GALNT16: variants seen among roughly 807,000 people sequenced by gnomAD.
GALNT16 encodes the protein UDP-GalNAc:polypeptide N-acetylgalactosaminyltransferase-like protein 1.
GALNT16 carries 40 observed loss-of-function variants against 76.1 expected under a neutral mutation model. The ratio of observed to expected loss-of-function variants is 0.53; its 90% CI spans 0.41 to 0.68. The LOEUF is 0.68. Ranked by LOEUF, GALNT16 falls within the 30% of genes least tolerant of loss-of-function variation. GALNT16 has a pLI of 0.00. For synonymous variants in GALNT16, 276 were observed against 285.2 expected (o/e 0.97, Z 0.32); for missense variants, 621 against 731.9 (o/e 0.85, Z 1.75).
At chr14:69,325,710 G>A (rs2045273159) in intron 4 of GALNT16, among the ~76,000 whole-genome samples, 1 of 152,202 alleles carries the variant, frequency 6.6e-6, no homozygotes, top group Non-Finnish European at 1.5e-5. Flanking sequence ...TGGGCTGGTA[G>A]CCACCCCCAA....
chr14:69,324,814 A>G lies in GALNT16; in HGVS notation c.434+24A>G, dbSNP rs188430806. On this transcript the variant is annotated intron_variant, in intron 3 of 14. Coordinates refer to ENST00000448469, the MANE Select transcript of GALNT16 (RefSeq NM_001168368.2). ...AGGTAAGTCCAGCCATGGGACTCTC[A>G]TCTCAGTGGTGCTGGCAGGGGAGGA... 1.1e-3 allele frequency: 1,586 copies of G among 1,466,426 alleles called. 17 individuals are homozygous for G. In the African/African-American group the frequency reaches 0.02, roughly 18 times the overall value. 90.8% of individuals were successfully genotyped at this position (1,466,426 alleles called of 1,614,324 possible). A position where few individuals can be genotyped will look rare whatever the true frequency, so the allele number is the denominator to read the frequency against.
At chr14:69,350,647 C>G (rs2045624137) in intron 14 of GALNT16, 1 of 152,452 alleles carries the variant, frequency 6.6e-6, no homozygotes, top group Admixed American at 6.5e-5. Context: ...TGTGCACATC[C>G]CCCCGCAGCC....
chr14:69,325,492 C>T (rs2045269473), intron 4 of GALNT16, 88 bp downstream of exon 4: 1 of 836,666 alleles, frequency 1.2e-6, no homozygotes, highest in Non-Finnish European at 2.1e-6. Flanking sequence ...CTGAGGTTGT[C>T]CTGACCATCG....
chr14:69,259,965 C>T, upstream of GALNT16: 1 of 209,810 alleles, frequency 4.8e-6, no homozygotes, highest in Non-Finnish European at 9.4e-6. Context: ...CCGCTTCCCA[C>T]TCGGCGCGCT....
chr14:69,293,738 A>G (rs1177992730), intron 1 of GALNT16, among the ~76,000 whole-genome samples: 1 of 152,184 alleles, frequency 6.6e-6, no homozygotes, highest in Non-Finnish European at 1.5e-5. Context: ...GCTTAAGCGC[A>G]TTAATATATG....
chr14:69,304,112 AT>A (rs1312719193), intron 1 of GALNT16, among the ~76,000 whole-genome samples: 1 of 152,164 alleles, frequency 6.6e-6, no homozygotes, highest in African/African-American at 2.4e-5. Context: ...ACACTTTAAA[AT>A]TGTACAAGTA....
the GALNT16 span, chr14:69,380,338 AAAAG>A: frequency 1.1e-4 from 47 of 421,906 alleles, no homozygotes; most frequent in East Asian, 1.1e-3. Context: ...TAAAAAAAAA[AAAAG>A]AAAGAGAAAG....
At chr14:69,269,753 G>C (rs2044383843) in intron 1 of GALNT16, among the ~76,000 whole-genome samples, 1 of 150,412 alleles carries the variant, frequency 6.6e-6, no homozygotes, top group Non-Finnish European at 1.5e-5. Context: ...TGGTGTGTGA[G>C]ATGTGGGGTT....
intron 1 of GALNT16, among the ~76,000 whole-genome samples, chr14:69,302,319 T>A (rs188957278): frequency 3.3e-5 from 5 of 152,180 alleles, no homozygotes; most frequent in Non-Finnish European, 7.4e-5. Context: ...AAATAATAAC[T>A]GTTTTTTTAA....
upstream of GALNT16, chr14:69,260,119 T>C: frequency 2.0e-6 from 1 of 491,910 alleles, no homozygotes; most frequent in Non-Finnish European, 3.7e-6. Flanking sequence ...CGCTCCGCGA[T>C]CCTGTCTCTC....
the GALNT16 span, among the ~76,000 whole-genome samples, chr14:69,365,879 A>C: frequency 6.6e-6 from 1 of 152,230 alleles, no homozygotes; most frequent in Non-Finnish European, 1.5e-5. Flanking sequence ...CAGGCGACAC[A>C]GCAGTAGACA....
intron 5 of GALNT16, among the ~76,000 whole-genome samples, chr14:69,327,591 T>G (rs748895783): frequency 1.3e-5 from 2 of 152,206 alleles, no homozygotes; most frequent in Non-Finnish European, 2.9e-5. Flanking sequence ...GATGGGCTTT[T>G]GGCTGGCTGG....
At chr14:69,292,032 A>G (rs1476041705) in intron 1 of GALNT16, among the ~76,000 whole-genome samples, 2 of 152,202 alleles carry the variant, frequency 1.3e-5, no homozygotes, top group Non-Finnish European at 2.9e-5. Context: ...CCTCAAGACA[A>G]GAATCTCTGG....
intron 12 of GALNT16, among the ~76,000 whole-genome samples, chr14:69,344,234 A>G (rs1236964285): frequency 6.6e-6 from 1 of 152,268 alleles, no homozygotes; most frequent in East Asian, 1.9e-4. Flanking sequence ...GGCCTCAGGA[A>G]CTGCTAATTT....
chr14:69,310,140 CA>C (rs1240371375), intron 1 of GALNT16, among the ~76,000 whole-genome samples: 1 of 152,062 alleles, frequency 6.6e-6, no homozygotes, highest in African/African-American at 2.4e-5. Flanking sequence ...TATAGTAAGA[CA>C]TACTATAAGA....
At chr14:69,289,271 T>C (rs145178527) in intron 1 of GALNT16, among the ~76,000 whole-genome samples, 120 of 152,220 alleles carry the variant, frequency 7.9e-4, no homozygotes, top group African/African-American at 2.8e-3. Flanking sequence ...GTGGAAGTCA[T>C]TATGTAACAC....
upstream of GALNT16, chr14:69,260,058 G>A (rs1228854379): frequency 8.4e-5 from 40 of 475,392 alleles, no homozygotes; most frequent in South Asian, 1.0e-3. Flanking sequence ...ATGAATGGGC[G>A]CCCGGGGGAC....
intron 1 of GALNT16, among the ~76,000 whole-genome samples, chr14:69,276,133 C>T (rs2044468109): frequency 6.6e-6 from 1 of 152,040 alleles, no homozygotes; most frequent in South Asian, 2.1e-4. Flanking sequence ...CCCATTGGGT[C>T]CCTCCCACAG....
chr14:69,274,132 C>T (rs551501789), intron 1 of GALNT16, among the ~76,000 whole-genome samples: 20 of 152,164 alleles, frequency 1.3e-4, no homozygotes, highest in African/African-American at 3.6e-4. Flanking sequence ...TAGTAATCCG[C>T]GTTTTAGAGG....
Sources: gnomAD v4.1 joint callset for allele counts (sites outside exome capture counted in the v4.1 genomes callset) on GRCh38, gnomAD v4.1.1 for gene constraint, MANE v1.5 for transcripts, NCBI Gene and HGNC (gene_info 2026-07-23, HGNC 2026-07-21) for gene names.